LDHC: variants seen among roughly 807,000 people sequenced by gnomAD.
The protein encoded by LDHC is L-lactate dehydrogenase C chain.
In LDHC, 20 loss-of-function variants were observed where a neutral mutation model predicts 30.2. The observed-to-expected ratio is 0.66, with a 90% CI of 0.47 to 0.96. The LOEUF (loss-of-function observed/expected upper bound fraction) is 0.96, where lower values mean the gene tolerates loss of function less well. LDHC is among the 40% of genes least tolerant of loss of function. LDHC has a pLI of 0.00. For missense variants in LDHC, 362 were observed against 394.9 expected (o/e 0.92, Z 0.71); for synonymous variants, 139 against 132.7 (o/e 1.05, Z -0.32).
chr11:18,446,315 A>T lies in LDHC; in HGVS notation c.816A>T (p.Pro272=). The change falls in exon 7 of 8, where the codon CCA becomes CCT. Residue 272 remains proline (P), a synonymous_variant. Transcript: ENST00000541669. ...TGAAAAATCTTAGGAGAGTGCACCC[A>T]GTTTCCACCATGGTTAAGGTAGGCT... ...SILKNLRRVH[P]VSTMVKGLYG... 1 of 1,606,606 alleles carries T rather than the reference A, an allele frequency of 6.2e-7. No individual in the cohort carries two copies. Among genetic ancestry groups the T allele is most frequent in the Non-Finnish European group, 8.5e-7 (1 of 1,173,534 alleles).
chr11:18,425,275 C>T (rs554913733), intron 3 of LDHC, among the ~76,000 whole-genome samples: 1 of 151,986 alleles, frequency 6.6e-6, no homozygotes, highest in South Asian at 2.1e-4. Context: ...CTCTTGAATT[C>T]CTGGGTTCAA....
chr11:18,437,301 G>A (rs1848371696), intron 5 of LDHC, among the ~76,000 whole-genome samples: 1 of 152,094 alleles, frequency 6.6e-6, no homozygotes, highest in Non-Finnish European at 1.5e-5. Flanking sequence ...GCTTAAAAAT[G>A]CCTCCTATAC....
intron 3 of LDHC, among the ~76,000 whole-genome samples, chr11:18,417,656 C>A (rs1414131400): frequency 2.6e-5 from 4 of 152,178 alleles, no homozygotes; most frequent in Non-Finnish European, 5.9e-5. Context: ...GTGTGAGCCA[C>A]CACGCCCAAC....
intron 4 of LDHC, 44 bp from the exon 5 acceptor site, chr11:18,434,696 A>C (rs775816219): frequency 1.8e-5 from 24 of 1,308,098 alleles, no homozygotes; most frequent in Non-Finnish European, 2.4e-5. Context: ...AAATTTTTTT[A>C]AGTTATGATG....
intron 3 of LDHC, among the ~76,000 whole-genome samples, chr11:18,416,040 G>A (rs534991752): frequency 1.2e-4 from 19 of 152,148 alleles, no homozygotes; most frequent in East Asian, 7.7e-4. Context: ...AGAACACTTC[G>A]ATATAATTGG....
rs1273065479 is a variant in LDHC at position 18,425,896 on chromosome 11, G to A, written c.245-3841G>A. ...GCGGAGCTTGCAGTGAGCCGAGATCGCGCCACTGCACTCCAGCCTGGGCAA... is the reference window on the plus strand; with the variant it reads ...GCGGAGCTTGCAGTGAGCCGAGATCACGCCACTGCACTCCAGCCTGGGCAA... On this transcript the variant is annotated intron_variant, in intron 3 of 7. Coordinates refer to ENST00000541669, the MANE Select transcript of LDHC (RefSeq NM_017448.5). Among the ~76,000 whole-genome samples the A allele has an allele frequency of 3.3e-5, 5 of 151,618 alleles. No homozygotes were observed. In the South Asian group the frequency reaches 6.3e-4, roughly 19 times the overall value.
intron 6 of LDHC, among the ~76,000 whole-genome samples, chr11:18,444,631 T>C (rs866926603): frequency 1.3e-5 from 1 of 77,138 alleles, no homozygotes; most frequent in Admixed American, 1.3e-4. Context: ...TATATATATA[T>C]ATATATATAT....
intron 4 of LDHC, among the ~76,000 whole-genome samples, chr11:18,430,883 G>A (rs141437469): frequency 6.6e-6 from 1 of 152,300 alleles, no homozygotes; most frequent in African/African-American, 2.4e-5. Context: ...TACCAAACAG[G>A]TTGGGCATTG....
chr11:18,428,284 G>T (rs1406834265), intron 3 of LDHC, among the ~76,000 whole-genome samples: 1 of 142,674 alleles, frequency 7.0e-6, no homozygotes, highest in Non-Finnish European at 1.5e-5. Context: ...CCATTCTCCT[G>T]CCTCAGCCTC....
chr11:18,441,929 A>G (rs1051773737), intron 6 of LDHC, among the ~76,000 whole-genome samples: 12 of 152,086 alleles, frequency 7.9e-5, no homozygotes, highest in African/African-American at 2.9e-4. Context: ...ACAAAACAAC[A>G]GTATTGCAAT....
chr11:18,418,619 G>T (rs1372481349), intron 3 of LDHC, among the ~76,000 whole-genome samples: 2 of 151,696 alleles, frequency 1.3e-5, no homozygotes, highest in Non-Finnish European at 2.9e-5. Context: ...TAGAGACGGG[G>T]TTTCACCATG....
intron 3 of LDHC, among the ~76,000 whole-genome samples, chr11:18,426,476 A>C (rs1848163954): frequency 6.6e-6 from 1 of 150,406 alleles, no homozygotes; most frequent in Non-Finnish European, 1.5e-5. Context: ...GCAGTGAGCC[A>C]AGATCACGCC....
chr11:18,432,296 GTCCAGTTTTAT>G (rs1848280158), intron 4 of LDHC, among the ~76,000 whole-genome samples: 1 of 152,072 alleles, frequency 6.6e-6, no homozygotes, highest in South Asian at 2.1e-4. Flanking sequence ...TGGAGTTGAT[GTCCAGTTTTAT>G]TCCACTGTGG....
At chr11:18,420,337 A>G (rs981966129) in intron 3 of LDHC, among the ~76,000 whole-genome samples, 2 of 152,228 alleles carry the variant, frequency 1.3e-5, no homozygotes, top group Admixed American at 6.6e-5. Context: ...AAGAATAAAT[A>G]TAATATCCCT....
chr11:18,438,573 C>A lies in LDHC; in HGVS notation c.638C>A (p.Thr213Asn). The A allele has an allele frequency of 6.2e-7, 1 of 1,613,422 alleles. No homozygotes were observed. Among genetic ancestry groups the A allele is most frequent in the Non-Finnish European group, 8.5e-7 (1 of 1,179,408 alleles). Reference protein sequence around the residue: ...GVNVAGVALKTLDPKLGTDSD... With the variant: ...GVNVAGVALKNLDPKLGTDSD... Reference sequence around the variant, plus strand: ...AATGTTGCTGGTGTTGCTCTGAAGACTCTGGACCCTAAATTAGGAACGGAT... The same window carrying A: ...AATGTTGCTGGTGTTGCTCTGAAGAATCTGGACCCTAAATTAGGAACGGAT... The change falls in exon 6 of 8, where the codon ACT (threonine) becomes AAT (asparagine). Residue 213 changes from threonine to asparagine, a missense_variant. By Grantham distance (65) the Thr-to-Asn change is moderately conservative. Transcript: ENST00000541669.
intron 6 of LDHC, among the ~76,000 whole-genome samples, chr11:18,439,942 A>G (rs35134819): frequency 0.027 from 4,062 of 151,752 alleles, 80 homozygotes; most frequent in Non-Finnish European, 0.042. Context: ...CAGTGAGCCA[A>G]TATTGTGCCA....
At position 18,451,109 on chromosome 11, in the gene LDHC, A is replaced by G. The variant is rs1211339939; in HGVS notation, c.981A>G (p.Gln327=). 1.3e-6 allele frequency: 2 copies of G among 1,537,812 alleles called. No homozygotes were observed. ...KKSAETLWNI[Q]KDLIF is the part of the protein sequence containing the mutation. Reference sequence around the variant, plus strand: ...GTGCAGAAACACTTTGGAATATTCAAAAGGATCTAATATTTTAAATTAAAG... The same window carrying G: ...GTGCAGAAACACTTTGGAATATTCAGAAGGATCTAATATTTTAAATTAAAG... Residue 327 remains glutamine (Q), a synonymous_variant, in exon 8 of 8, where the codon CAA becomes CAG. Transcript: ENST00000541669.
At chr11:18,412,605 T>C (rs1866912110) in intron 1 of LDHC, 104 bp from the exon 2 acceptor site, 12 of 1,074,698 alleles carry the variant, frequency 1.1e-5, no homozygotes, top group Non-Finnish European at 1.6e-5. Context: ...AAATTCTTTC[T>C]TTGGCTTCCC....
intron 7 of LDHC, among the ~76,000 whole-genome samples, chr11:18,448,710 G>A (rs914168845): frequency 6.7e-6 from 1 of 150,206 alleles, no homozygotes; most frequent in Non-Finnish European, 1.5e-5. Context: ...AAATCAAGGT[G>A]TGCAGAGTTT....
Sources: allele counts gnomAD v4.1 joint callset (sites outside exome capture counted in the v4.1 genomes callset), GRCh38; gene constraint gnomAD v4.1.1; transcripts MANE v1.5; gene names NCBI Gene and HGNC (gene_info 2026-07-23, HGNC 2026-07-21).